Variants in OPCML observed in about 807,000 individuals in gnomAD.
OPCML encodes opioid-binding protein/cell adhesion molecule.
In OPCML, 13 loss-of-function variants were observed where a neutral mutation model predicts 37.8. The ratio of observed to expected loss-of-function variants is 0.34; its 90% CI spans 0.22 to 0.55. The LOEUF (loss-of-function observed/expected upper bound fraction) is 0.55. Ranked by LOEUF, OPCML falls within the 20% of genes least tolerant of loss-of-function variation. The probability of loss-of-function intolerance (pLI) is 0.91; values close to 1 mark genes in which losing one functional copy is unlikely to be tolerated. For missense variants in OPCML, 341 were observed against 435.6 expected, an observed-to-expected ratio of 0.78 and a Z score of 1.93; for synonymous variants, 176 against 168.8, an observed-to-expected ratio of 1.04 and a Z score of -0.33.
At chr11:133,198,236 C>T (rs780988265) in intron 1 of OPCML, among the ~76,000 whole-genome samples, 9 of 152,178 alleles carry the variant, frequency 5.9e-5, no homozygotes, top group Non-Finnish European at 1.3e-4. Flanking sequence ...TACAATAACC[C>T]GCAGTGGGGA....
At chr11:132,761,229 CTTT>C (rs71067393) in intron 2 of OPCML, among the ~76,000 whole-genome samples, 34 of 122,666 alleles carry the variant, frequency 2.8e-4, no homozygotes, top group African/African-American at 8.5e-4. Flanking sequence ...CTGCGCTTAA[CTTT>C]TTTTTTTTTT....
At chr11:133,035,752 C>T (rs1565410573) in intron 1 of OPCML, among the ~76,000 whole-genome samples, 1 of 151,982 alleles carries the variant, frequency 6.6e-6, no homozygotes, top group Non-Finnish European at 1.5e-5. Flanking sequence ...CAGGGTTGGC[C>T]CTAATCCTAT....
chr11:132,961,548 T>G (rs1406282315), intron 1 of OPCML, among the ~76,000 whole-genome samples: 1 of 152,226 alleles, frequency 6.6e-6, no homozygotes, highest in Non-Finnish European at 1.5e-5. Context: ...TGATGTGAGA[T>G]GTAATTCTAT....
At chr11:132,880,513 C>A (rs1943187996) in intron 2 of OPCML, among the ~76,000 whole-genome samples, 1 of 152,238 alleles carries the variant, frequency 6.6e-6, no homozygotes, top group Non-Finnish European at 1.5e-5. Context: ...CAGCAACTAT[C>A]CAGATGCTGA....
intron 1 of OPCML, among the ~76,000 whole-genome samples, chr11:133,236,841 A>G (rs1198415451): frequency 1.3e-5 from 2 of 152,160 alleles, no homozygotes; most frequent in East Asian, 3.9e-4. Flanking sequence ...AGTCAGGACA[A>G]ATACAGAATG....
At chr11:133,303,871 T>C (rs1416537817) in intron 1 of OPCML, among the ~76,000 whole-genome samples, 2 of 152,138 alleles carry the variant, frequency 1.3e-5, no homozygotes, top group Non-Finnish European at 2.9e-5. Context: ...ACACAGCAAG[T>C]GTCTCTGTGT....
chr11:132,846,780 A>C (rs1941559384), intron 2 of OPCML, among the ~76,000 whole-genome samples: 1 of 152,148 alleles, frequency 6.6e-6, no homozygotes, highest in Non-Finnish European at 1.5e-5. Flanking sequence ...AATTTTGTAA[A>C]CTTCTAGTGA....
At chr11:133,195,895 A>G (rs943474935) in intron 1 of OPCML, among the ~76,000 whole-genome samples, 5 of 152,296 alleles carry the variant, frequency 3.3e-5, no homozygotes, top group Non-Finnish European at 7.4e-5. Context: ...AATGGTCTTG[A>G]AAGGTAGCGC....
chr11:133,231,674 T>C (rs1271731696), intron 1 of OPCML, among the ~76,000 whole-genome samples: 1 of 152,154 alleles, frequency 6.6e-6, no homozygotes, highest in African/African-American at 2.4e-5. Context: ...GACTTGCAGC[T>C]CTTCACCAGC....
intron 1 of OPCML, among the ~76,000 whole-genome samples, chr11:133,122,590 C>T (rs564448): frequency 0.48 from 72,490 of 151,856 alleles, 18,274 homozygotes; most frequent in East Asian, 0.64. Flanking sequence ...TCATGAGGAG[C>T]GGAGGTGGGG....
intron 4 of OPCML, among the ~76,000 whole-genome samples, chr11:132,523,091 G>A (rs1326129719): frequency 1.3e-5 from 2 of 152,194 alleles, no homozygotes; most frequent in Non-Finnish European, 2.9e-5. Context: ...CGTGGTTGTA[G>A]AGATGGGGTT....
chr11:133,010,284 C>T (rs1193427653), intron 1 of OPCML, among the ~76,000 whole-genome samples: 1 of 152,156 alleles, frequency 6.6e-6, no homozygotes, highest in Non-Finnish European at 1.5e-5. Context: ...TTTGTCATTC[C>T]AGCATCTAGC....
intron 2 of OPCML, among the ~76,000 whole-genome samples, chr11:132,848,632 G>A (rs1318894417): frequency 6.6e-6 from 1 of 152,220 alleles, no homozygotes; most frequent in African/African-American, 2.4e-5. Context: ...TTCGTATGCA[G>A]TTTTGAGTTT....
chr11:133,207,506 C>T (rs1043007253), intron 1 of OPCML, among the ~76,000 whole-genome samples: 2 of 152,096 alleles, frequency 1.3e-5, no homozygotes, highest in African/African-American at 4.8e-5. Flanking sequence ...TCAGATCTGC[C>T]TGTAGCTCTG....
chr11:133,327,215 G>T (rs1943495183), intron 1 of OPCML, among the ~76,000 whole-genome samples: 1 of 150,598 alleles, frequency 6.6e-6, no homozygotes, highest in African/African-American at 2.5e-5. Context: ...GGGTATGTGG[G>T]TATGTGTGTA....
chr11:132,990,973 T>C (rs1946763270), intron 1 of OPCML, among the ~76,000 whole-genome samples: 1 of 152,212 alleles, frequency 6.6e-6, no homozygotes, highest in Non-Finnish European at 1.5e-5. Context: ...CCTTTTCTCC[T>C]AAGGCCATAT....
At chr11:133,232,547 C>T (rs944608791) in intron 1 of OPCML, among the ~76,000 whole-genome samples, 1 of 151,782 alleles carries the variant, frequency 6.6e-6, no homozygotes, top group African/African-American at 2.4e-5. Context: ...GAAGAGATTC[C>T]AGGTGTGAAT....
intron 3 of OPCML, among the ~76,000 whole-genome samples, chr11:132,535,101 T>C (rs1370434711): frequency 1.3e-5 from 2 of 149,490 alleles, no homozygotes; most frequent in Non-Finnish European, 3.0e-5. Flanking sequence ...TAATATAGTA[T>C]AACATTACTA....
At chr11:133,274,638 G>A (rs886535391) in intron 1 of OPCML, among the ~76,000 whole-genome samples, 1 of 152,206 alleles carries the variant, frequency 6.6e-6, no homozygotes, top group Admixed American at 6.5e-5. Context: ...TGGGAAACCG[G>A]CACAGCCCCT....
Sources: gnomAD v4.1 joint callset for allele counts (sites outside exome capture counted in the v4.1 genomes callset) on GRCh38, gnomAD v4.1.1 for gene constraint, MANE v1.5 for transcripts, NCBI Gene and HGNC (gene_info 2026-07-23, HGNC 2026-07-21) for gene names.